The following ANKRD17 variants were observed in gnomAD, a reference collection of about 807,000 sequenced individuals.
The protein encoded by ANKRD17 is ankyrin repeat domain 17.
A neutral mutation model predicts 229.7 loss-of-function variants in ANKRD17; 19 were observed. The observed-to-expected ratio is 0.08, with a 90% CI of 0.06 to 0.12. The LOEUF (loss-of-function observed/expected upper bound fraction) is 0.12. Ranked by LOEUF, ANKRD17 falls within the 10% of genes least tolerant of loss-of-function variation. The pLI, the probability that ANKRD17 is intolerant of heterozygous loss-of-function variation, is 1.00. For synonymous variants in ANKRD17, 1,112 were observed against 1,146.1 expected, an observed-to-expected ratio of 0.97 and a Z score of 0.60; for missense variants, 2,176 against 3,176.8, an observed-to-expected ratio of 0.68 and a Z score of 7.57.
chr4:73,138,967 C>T (rs1348568469), intron 15 of ANKRD17, among the ~76,000 whole-genome samples: 1 of 152,088 alleles, frequency 6.6e-6, no homozygotes, highest in Non-Finnish European at 1.5e-5. Flanking sequence ...TACACATTAA[C>T]ATTCACAGGG....
intron 3 of ANKRD17, among the ~76,000 whole-genome samples, chr4:73,158,184 GAA>G (rs1560617881): frequency 1.9e-4 from 28 of 151,108 alleles, no homozygotes; most frequent in African/African-American, 6.8e-4. Flanking sequence ...AAGAAAGAAA[GAA>G]AGAGAGAGAA....
At chr4:73,236,870 C>A (rs951887358) in intron 1 of ANKRD17, among the ~76,000 whole-genome samples, 2 of 152,148 alleles carry the variant, frequency 1.3e-5, no homozygotes. Context: ...TAACTGTCCC[C>A]AAATCACACA....
chr4:73,144,383 A>C (rs1299124846), intron 11 of ANKRD17, among the ~76,000 whole-genome samples: 1 of 152,250 alleles, frequency 6.6e-6, no homozygotes, highest in Non-Finnish European at 1.5e-5. Context: ...TAGAAATGTT[A>C]CTTGCCACAA....
chr4:73,155,539 GA>G, intron 5 of ANKRD17, 91 bp downstream of exon 5: 10 of 1,451,876 alleles, frequency 6.9e-6, no homozygotes, highest in Non-Finnish European at 8.5e-6. Flanking sequence ...TAAGAGAACT[GA>G]AAAATTAGCA....
intron 1 of ANKRD17, among the ~76,000 whole-genome samples, chr4:73,197,087 A>C (rs1007266713): frequency 5.9e-5 from 9 of 151,946 alleles, no homozygotes; most frequent in African/African-American, 2.2e-4. Context: ...TGAGCCACCA[A>C]CTCCCTACCA....
chr4:73,156,925 G>A (rs772781508), intron 3 of ANKRD17, among the ~76,000 whole-genome samples: 3 of 151,564 alleles, frequency 2.0e-5, no homozygotes, highest in Admixed American at 6.6e-5. Flanking sequence ...ATAACAAAAA[G>A]GCAAAAATGA....
chr4:73,114,831 A>G (rs972876048), intron 23 of ANKRD17, among the ~76,000 whole-genome samples: 19 of 152,280 alleles, frequency 1.2e-4, no homozygotes, highest in African/African-American at 3.1e-4. Flanking sequence ...TGTAAACGTC[A>G]TAAGAAGACA....
chr4:73,180,320 G>GT (rs1372093360), intron 1 of ANKRD17, among the ~76,000 whole-genome samples: 1 of 152,024 alleles, frequency 6.6e-6, no homozygotes, highest in Admixed American at 6.6e-5. Context: ...AGAACACAGG[G>GT]TTTTACACAG....
chr4:73,258,577 G>A lies in ANKRD17; in HGVS notation c.92C>T (p.Ala31Val). Residue 31 changes from alanine (A) to valine (V), a missense_variant, in exon 1 of 34, where the codon GCG (alanine) becomes GTG (valine). Ala to Val is a moderately conservative substitution (Grantham distance 64, BLOSUM62 0). Coordinates refer to ENST00000358602, the MANE Select transcript of ANKRD17 (RefSeq NM_032217.5). ...AACGCCGCCGCCGACCTCCGCCGCC[G>A]CGGGGGGGCCCGCCACAGCCGCCAC... ...PAVAAVAGPPAAAEVGGGVGG... is the reference protein window; with the variant it reads ...PAVAAVAGPPVAAEVGGGVGG... 6.9e-7 allele frequency: 1 copy of A among 1,458,884 alleles called. No individual in the cohort carries two copies. The allele number at this position is 1,458,884 out of a possible 1,614,324, so 90.4% of individuals were successfully genotyped here. A position where few individuals can be genotyped will look rare whatever the true frequency, so the allele number is the denominator to read the frequency against.
chr4:73,161,425 T>C (rs761737738), intron 2 of ANKRD17, 77 bp from the exon 3 acceptor site: 3 of 1,455,778 alleles, frequency 2.1e-6, no homozygotes, highest in Non-Finnish European at 2.8e-6. Flanking sequence ...CTTAAAGCTA[T>C]ACTGTGTATG....
chr4:73,121,172 TTCTAA>T (rs1476145847), intron 19 of ANKRD17, 78 bp from the exon 20 acceptor site: 2 of 1,214,968 alleles, frequency 1.6e-6, no homozygotes, highest in Middle Eastern at 1.9e-4. Context: ...TGATATATAA[TTCTAA>T]TCTAAGATTA....
rs1030466415 is a variant in ANKRD17, at chr4:73,098,817, G to A, written c.4574-297C>T. ...ATCTTCCACCTGCTCCTTAGAGAAG[G>A]GAAGATGAGTGAGTCGAGCTTGAAG... On this transcript the variant is annotated intron_variant, in intron 25 of 33. Coordinates refer to ENST00000358602, the MANE Select transcript of ANKRD17 (RefSeq NM_032217.5). The A allele has an allele frequency of 3.9e-6, 6 of 1,521,388 alleles. No individual in the cohort carries two copies. The African/African-American group carries it at 8.2e-5, about 21-fold the overall frequency. The allele number at this position is 1,521,388 out of a possible 1,614,324, so 94.2% of individuals were successfully genotyped here.
chr4:73,190,973 G>C (rs1285089350), intron 1 of ANKRD17, among the ~76,000 whole-genome samples: 2 of 152,108 alleles, frequency 1.3e-5, no homozygotes, highest in African/African-American at 4.8e-5. Context: ...ATAGTGTAAA[G>C]ATGTCAATTT....
chr4:73,199,660 A>G (rs1738385902), intron 1 of ANKRD17, among the ~76,000 whole-genome samples: 1 of 152,132 alleles, frequency 6.6e-6, no homozygotes, highest in Admixed American at 6.5e-5. Context: ...TGGCTTTATT[A>G]TTTAGTAGTA....
intron 1 of ANKRD17, among the ~76,000 whole-genome samples, chr4:73,213,203 T>C (rs1409293419): frequency 6.6e-6 from 1 of 152,040 alleles, no homozygotes; most frequent in Non-Finnish European, 1.5e-5. Context: ...GCTGAACATA[T>C]GACAAGGACT....
At chr4:73,126,508 G>C (rs1249315948) in intron 16 of ANKRD17, among the ~76,000 whole-genome samples, 6 of 151,958 alleles carry the variant, frequency 3.9e-5, no homozygotes, top group African/African-American at 1.2e-4. Context: ...AGCTGTATTT[G>C]AGAACAAAGC....
rs536275343 is a variant in ANKRD17, at chr4:73,185,348, A to T, written c.394-7815T>A. 2.0e-5 allele frequency among the ~76,000 whole-genome samples: 3 copies of T among 151,904 alleles called. No individual in the cohort carries two copies. The South Asian group carries it at 6.2e-4, about 31-fold the overall frequency. ...TGGAAAATACTCTATTTATCACTGA[A>T]TCTCAAAAGCTGGTAATCTGAATTT... On this transcript the variant is annotated intron_variant, in intron 1 of 33. Transcript: ENST00000358602.
chr4:73,229,336 GAACT>G (rs778227787), intron 1 of ANKRD17, among the ~76,000 whole-genome samples: 1 of 152,028 alleles, frequency 6.6e-6, no homozygotes, highest in Non-Finnish European at 1.5e-5. Flanking sequence ...TAAAAAAGTT[GAACT>G]AATTTATACT....
intron 1 of ANKRD17, among the ~76,000 whole-genome samples, chr4:73,185,678 C>G (rs1006399880): frequency 6.6e-6 from 1 of 151,880 alleles, no homozygotes; most frequent in East Asian, 1.9e-4. Context: ...TAACTAACAC[C>G]ACTTTGGCTA....
Sources: allele counts gnomAD v4.1 joint callset (sites outside exome capture counted in the v4.1 genomes callset), GRCh38; gene constraint gnomAD v4.1.1; transcripts MANE v1.5; gene names NCBI Gene and HGNC (gene_info 2026-07-23, HGNC 2026-07-21).